The following MTCH2 variants were observed in gnomAD, a reference collection of about 807,000 sequenced individuals.
MTCH2 encodes the protein mitochondrial carrier homolog 2.
Under a neutral mutation model 50.6 loss-of-function variants are expected in MTCH2, and 25 were observed. The observed-to-expected ratio is 0.49, with a 90% CI of 0.36 to 0.69. The LOEUF is 0.69. Ranked by LOEUF, MTCH2 falls within the 30% of genes least tolerant of loss-of-function variation. The probability of loss-of-function intolerance (pLI) is 0.00; values close to 1 mark genes in which losing one functional copy is unlikely to be tolerated. For synonymous variants in MTCH2, 106 were observed against 132.0 expected (o/e 0.80, Z 1.35); for missense variants, 273 against 384.4 (o/e 0.71, Z 2.42).
At chr11:47,625,528 A>G (rs1403733640) in intron 11 of MTCH2, 146 bp downstream of exon 11, 4 of 607,154 alleles carry the variant, frequency 6.6e-6, no homozygotes, top group African/African-American at 5.5e-5. Context: ...AATGGTATCA[A>G]TTATACTTTT....
chr11:47,606,177 T>TATC, the MTCH2 span, among the ~76,000 whole-genome samples: 3 of 152,178 alleles, frequency 2.0e-5, no homozygotes, highest in African/African-American at 7.2e-5. Flanking sequence ...GGTTTTCTCT[T>TATC]ATCTTTTCTT....
At chr11:47,630,504 A>G (rs2097302061) in intron 8 of MTCH2, 51 bp downstream of exon 8, 1 of 1,454,904 alleles carries the variant, frequency 6.9e-7, no homozygotes. Context: ...TTACTTTCAG[A>G]AAACGTTTCC....
rs1191052914 is a variant in MTCH2, at chr11:47,617,332, T to C, written c.*1501A>G. On this transcript the variant is annotated 3_prime_UTR_variant, in exon 13 of 13. Transcript: ENST00000302503. Reference sequence around the variant, plus strand: ...AAACATGGCACATTTTCCCAGATCATCTTTACTTAAAGATTTTTTGGGAGA... The same window carrying C: ...AAACATGGCACATTTTCCCAGATCACCTTTACTTAAAGATTTTTTGGGAGA... 6.6e-6 allele frequency: 1 copy of C among 152,220 alleles called. No homozygotes were observed. The highest frequency in any genetic ancestry group is 1.5e-5 in the Non-Finnish European group (1 of 68,034). 9.4% of individuals were successfully genotyped at this position (152,220 alleles called of 1,614,324 possible).
chr11:47,622,229 C>T (rs1029265375), intron 12 of MTCH2, among the ~76,000 whole-genome samples: 1 of 152,040 alleles, frequency 6.6e-6, no homozygotes, highest in African/African-American at 2.4e-5. Context: ...AGATTATACA[C>T]CTCATAGTAA....
At chr11:47,620,256 C>T (rs2097292086) in intron 12 of MTCH2, among the ~76,000 whole-genome samples, 1 of 151,664 alleles carries the variant, frequency 6.6e-6, no homozygotes, top group African/African-American at 2.4e-5. Flanking sequence ...TGCACATGTA[C>T]CCTAAAACTT....
the MTCH2 span, among the ~76,000 whole-genome samples, chr11:47,608,162 A>G: frequency 6.6e-5 from 10 of 152,136 alleles, no homozygotes; most frequent in Non-Finnish European, 2.9e-5. Context: ...TGGCTGTTTT[A>G]TGGGTTGGAG....
At chr11:47,627,177 A>C in intron 9 of MTCH2, 50 bp from the exon 10 acceptor site, 5 of 1,262,350 alleles carry the variant, frequency 4.0e-6, no homozygotes, top group Non-Finnish European at 5.6e-6. Context: ...ACTACAACAC[A>C]TCAATATATT....
intron 1 of MTCH2, among the ~76,000 whole-genome samples, chr11:47,640,523 C>T (rs141945398): frequency 6.6e-6 from 1 of 152,196 alleles, no homozygotes; most frequent in African/African-American, 2.4e-5. Context: ...TTAAGCCATT[C>T]TCGTACCTCA....
Position 47,642,489 on chromosome 11 carries a change from C to G in MTCH2, c.-24G>C, listed in dbSNP as rs779098973. ...ATGATGGCACCCGCGGGCGGACGGA[C>G]AGACAGACGGAGCCACCAAGCGACC... On this transcript the variant is annotated 5_prime_UTR_variant, in exon 1 of 13. Coordinates refer to ENST00000302503, the MANE Select transcript of MTCH2 (RefSeq NM_014342.4). The G allele has an allele frequency of 2.0e-6, 3 of 1,492,520 alleles. No individual in the cohort carries two copies. The highest frequency in any genetic ancestry group is 2.5e-5 in the South Asian group (2 of 81,334). The allele number at this position is 1,492,520 out of a possible 1,614,324, so 92.5% of individuals were successfully genotyped here.
In MTCH2 at chr11:47,617,477, C is replaced by A. The variant is rs764838955; in HGVS notation, c.*1356G>T. 1 of 152,360 alleles carries A rather than the reference C, an allele frequency of 6.6e-6. No homozygotes were observed. Among genetic ancestry groups the A allele is most frequent in the Admixed American group, 6.6e-5 (1 of 15,262 alleles). 9.4% of individuals were successfully genotyped at this position (152,360 alleles called of 1,614,324 possible). ...AAGAGACATCAAAGACATTTTAAGC[C>A]GAGCTCCTCATGAGCTTCCTAAACC... On this transcript the variant is annotated 3_prime_UTR_variant, in exon 13 of 13. Transcript: ENST00000302503.
downstream of MTCH2, among the ~76,000 whole-genome samples, chr11:47,616,668 GTTTCTTTTTT>G (rs1157763985): frequency 2.7e-5 from 4 of 148,810 alleles, no homozygotes; most frequent in South Asian, 6.4e-4. Flanking sequence ...TCTTGCATGT[GTTTCTTTTTT>G]TTTCTTTTTT....
At chr11:47,628,651 T>C (rs574527319) in intron 9 of MTCH2, among the ~76,000 whole-genome samples, 1 of 152,318 alleles carries the variant, frequency 6.6e-6, no homozygotes, top group East Asian at 1.9e-4. Context: ...CTTGGCTCAC[T>C]GCAACCTCCG....
intron 1 of MTCH2, among the ~76,000 whole-genome samples, chr11:47,640,826 G>T (rs571369052): frequency 6.6e-6 from 1 of 152,236 alleles, no homozygotes; most frequent in Non-Finnish European, 1.5e-5. Flanking sequence ...CAAAGTTTTT[G>T]GGGCAAGAGC....
At chr11:47,610,817 GCTGCCATCCCATCATC>G in the MTCH2 span, among the ~76,000 whole-genome samples, 4 of 152,002 alleles carry the variant, frequency 2.6e-5, no homozygotes, top group South Asian at 8.3e-4. Flanking sequence ...GCTAGAAATT[GCTGCCATCCCATCATC>G]CTGCCACCCA....
At chr11:47,642,264 C>G (rs1260731840) in intron 1 of MTCH2, 115 bp downstream of exon 1, 1 of 873,612 alleles carries the variant, frequency 1.1e-6, no homozygotes, top group Admixed American at 2.9e-5. Context: ...AGCGGAGGAG[C>G]AGCAGCATCT....
intron 1 of MTCH2, among the ~76,000 whole-genome samples, chr11:47,642,141 G>A (rs1372776099): frequency 6.6e-6 from 1 of 152,160 alleles, no homozygotes; most frequent in African/African-American, 2.4e-5. Flanking sequence ...CCGGGTGGCG[G>A]TTGGCTAAGG....
At chr11:47,635,219 A>G (rs1174410752) in intron 4 of MTCH2, among the ~76,000 whole-genome samples, 1 of 152,144 alleles carries the variant, frequency 6.6e-6, no homozygotes, top group Non-Finnish European at 1.5e-5. Flanking sequence ...GCTGAGATAC[A>G]GAGGTATGTG....
intron 6 of MTCH2, 76 bp from the exon 7 acceptor site, chr11:47,631,163 C>T: frequency 8.2e-7 from 1 of 1,224,848 alleles, no homozygotes; most frequent in Non-Finnish European, 1.2e-6. Context: ...AATCCCAGCA[C>T]TTTGAGAGGC....
chr11:47,639,803 A>G lies in MTCH2; in HGVS notation c.88-752T>C, dbSNP rs113754555. ...CAGTGAGCCGAGATTGTGTCACTGCACTCCAGCCGAGGCCGACAACAGCGA... is the reference window on the plus strand; with the variant it reads ...CAGTGAGCCGAGATTGTGTCACTGCGCTCCAGCCGAGGCCGACAACAGCGA... On this transcript the variant is annotated intron_variant, in intron 1 of 12. Coordinates refer to ENST00000302503, the MANE Select transcript of MTCH2 (RefSeq NM_014342.4). Among the ~76,000 whole-genome samples, 1,035 of 152,164 alleles carry G rather than the reference A, an allele frequency of 6.8e-3. 15 individuals carry two copies. The highest frequency in any genetic ancestry group is 0.023 in the African/African-American group (959 of 41,502).
Sources: allele counts gnomAD v4.1 joint callset (sites outside exome capture counted in the v4.1 genomes callset), GRCh38; gene constraint gnomAD v4.1.1; transcripts MANE v1.5; gene names NCBI Gene and HGNC (gene_info 2026-07-23, HGNC 2026-07-21).